Variants in SLC2A13 observed in about 807,000 individuals in gnomAD.
SLC2A13 encodes solute carrier family 2 member 13, also known as proton myo-inositol cotransporter.
A neutral mutation model predicts 64.4 loss-of-function variants in SLC2A13; 32 were observed. That is an observed-to-expected ratio of 0.50 (90% CI 0.37 to 0.67). SLC2A13 has a LOEUF of 0.67. SLC2A13 is among the 30% of genes least tolerant of loss of function. The pLI is 0.00. For missense variants in SLC2A13, 743 were observed against 829.2 expected, an observed-to-expected ratio of 0.90 and a Z score of 1.28; for synonymous variants, 338 against 327.1, an observed-to-expected ratio of 1.03 and a Z score of -0.36.
chr12:39,810,881 T>C (rs1476434313), intron 7 of SLC2A13, among the ~76,000 whole-genome samples: 1 of 152,146 alleles, frequency 6.6e-6, no homozygotes, highest in Non-Finnish European at 1.5e-5. Flanking sequence ...TGTTCATCTA[T>C]AGTTTTTCTT....
At chr12:40,082,256 A>T (rs2136285469) in intron 1 of SLC2A13, among the ~76,000 whole-genome samples, 1 of 152,322 alleles carries the variant, frequency 6.6e-6, no homozygotes, top group African/African-American at 2.4e-5. Context: ...AAAAGCCAGG[A>T]GGTTAAGAAA....
At chr12:39,765,211 A>G (rs1940303577) in intron 7 of SLC2A13, among the ~76,000 whole-genome samples, 2 of 152,080 alleles carry the variant, frequency 1.3e-5, no homozygotes, top group Admixed American at 6.6e-5. Context: ...GACAAGATTC[A>G]AATTTCAGAG....
chr12:39,942,267 G>A (rs1198845442), intron 4 of SLC2A13, among the ~76,000 whole-genome samples: 3 of 152,134 alleles, frequency 2.0e-5, no homozygotes, highest in Non-Finnish European at 4.4e-5. Flanking sequence ...GTAGTCTGAT[G>A]GGGATTGTAT....
chr12:39,888,936 T>C (rs1427417290), intron 4 of SLC2A13, among the ~76,000 whole-genome samples: 2 of 152,178 alleles, frequency 1.3e-5, no homozygotes, highest in Non-Finnish European at 2.9e-5. Flanking sequence ...TATATAATAG[T>C]AAACCATTTT....
At chr12:39,963,143 C>T (rs572992012) in intron 3 of SLC2A13, among the ~76,000 whole-genome samples, 7 of 152,012 alleles carry the variant, frequency 4.6e-5, no homozygotes, top group African/African-American at 1.7e-4. Flanking sequence ...AAAAATTAGC[C>T]GGGCATGGTG....
intron 3 of SLC2A13, among the ~76,000 whole-genome samples, chr12:40,018,684 T>C (rs1206376186): frequency 6.6e-6 from 1 of 152,196 alleles, no homozygotes; most frequent in Non-Finnish European, 1.5e-5. Context: ...TTACTGCTTT[T>C]CAAATTTAAT....
At chr12:39,974,704 T>C (rs1946730678) in intron 3 of SLC2A13, among the ~76,000 whole-genome samples, 1 of 152,206 alleles carries the variant, frequency 6.6e-6, no homozygotes. Flanking sequence ...TTTACACAAT[T>C]CTAGACAAAT....
chr12:39,997,432 T>G (rs1947249946), intron 3 of SLC2A13, among the ~76,000 whole-genome samples: 1 of 152,066 alleles, frequency 6.6e-6, no homozygotes, highest in South Asian at 2.1e-4. Context: ...CAAAAGAAGA[T>G]CTACAAATGG....
intron 1 of SLC2A13, among the ~76,000 whole-genome samples, chr12:40,060,829 T>C (rs1464540073): frequency 6.6e-6 from 1 of 152,104 alleles, no homozygotes; most frequent in East Asian, 1.9e-4. Flanking sequence ...ATCAAGAGCA[T>C]AGAAAATGAT....
chr12:39,865,365 T>C (rs1943881496), intron 5 of SLC2A13, among the ~76,000 whole-genome samples: 1 of 152,242 alleles, frequency 6.6e-6, no homozygotes, highest in Non-Finnish European at 1.5e-5. Context: ...AATGAGTTAT[T>C]TCTAAAGCAG....
chr12:39,938,751 T>C (rs185421184), intron 4 of SLC2A13, among the ~76,000 whole-genome samples: 1 of 151,798 alleles, frequency 6.6e-6, no homozygotes, highest in East Asian at 1.9e-4. Context: ...AAAGTTCACA[T>C]CCATATTGTG....
chr12:39,855,468 C>A (rs1368934774), intron 6 of SLC2A13, among the ~76,000 whole-genome samples: 1 of 152,134 alleles, frequency 6.6e-6, no homozygotes, highest in Non-Finnish European at 1.5e-5. Context: ...ATGAATTATG[C>A]CAGGTCATGC....
chr12:39,901,922 G>A (rs1428198082), intron 4 of SLC2A13, among the ~76,000 whole-genome samples: 1 of 151,940 alleles, frequency 6.6e-6, no homozygotes, highest in African/African-American at 2.4e-5. Flanking sequence ...ATTCCCAATA[G>A]CAAAGACTTG....
chr12:40,018,722 CA>C (rs1947660384), intron 3 of SLC2A13, among the ~76,000 whole-genome samples: 1 of 152,126 alleles, frequency 6.6e-6, no homozygotes, highest in Non-Finnish European at 1.5e-5. Flanking sequence ...ACAATAATTG[CA>C]TCTTCTTTGC....
Position 40,105,122 on chromosome 12 carries a change from C to A in SLC2A13, c.556+131G>T. ...CCAACAAACAGATGGGCTCTGGAGG[C>A]CAGAGAAGTGGAGGATTCTCTGACC... is the stretch of plus-strand genomic sequence containing the variant. On this transcript the variant is annotated intron_variant, in intron 1 of 9. Transcript: ENST00000280871. The surrounding 1 kb of genome is among the most constrained non-coding windows in gnomAD (Gnocchi z 4.2). 1 of 1,293,002 alleles carries A rather than the reference C, an allele frequency of 7.7e-7. No homozygotes were observed. Among genetic ancestry groups the A allele is most frequent in the Non-Finnish European group, 9.8e-7 (1 of 1,016,568 alleles). 80.1% of individuals were successfully genotyped at this position (1,293,002 alleles called of 1,614,324 possible).
chr12:39,846,819 T>G (rs1221622303), intron 6 of SLC2A13, among the ~76,000 whole-genome samples: 3 of 152,154 alleles, frequency 2.0e-5, no homozygotes, highest in Non-Finnish European at 4.4e-5. Context: ...TATCTCAGTC[T>G]TTCTGAAGGA....
At position 40,105,513 on chromosome 12, in the gene SLC2A13, G is replaced by T. The variant is rs756131221; in HGVS notation, c.296C>A (p.Thr99Asn). The T allele has an allele frequency of 3.2e-6, 5 of 1,582,360 alleles. No individual in the cohort carries two copies. The highest frequency in any genetic ancestry group is 4.3e-6 in the Non-Finnish European group (5 of 1,166,434). ...CAGCATGGCCCCTGACACCACCCCG[G>T]TGTCATAGCCAAACAGGAAGCCGCC... is the stretch of plus-strand genomic sequence containing the variant. The part of the protein sequence containing the change: ...ALGGFLFGYD[T>N]GVVSGAMLLL... The change falls in exon 1 of 10, where the codon ACC becomes AAC. Residue 99 changes from threonine (T) to asparagine (N), a missense_variant. Thr to Asn is a moderately conservative substitution (Grantham distance 65). Around this residue, in one of 2 missense-constraint regions of SLC2A13, gnomAD observed 448 missense variants for 447.4 expected, o/e 1.00. Coordinates refer to ENST00000280871, the MANE Select transcript of SLC2A13 (RefSeq NM_052885.4). This position sits in a 1 kb window ranked among gnomAD's most constrained non-coding sequence, Gnocchi z 4.2.
chr12:40,009,973 T>G (rs1947500149), intron 3 of SLC2A13, among the ~76,000 whole-genome samples: 1 of 152,252 alleles, frequency 6.6e-6, no homozygotes, highest in African/African-American at 2.4e-5. Context: ...CTTGAAATTA[T>G]TTGACTACAA....
At chr12:39,857,863 T>G (rs1250544901) in intron 6 of SLC2A13, among the ~76,000 whole-genome samples, 1 of 152,176 alleles carries the variant, frequency 6.6e-6, no homozygotes, top group Non-Finnish European at 1.5e-5. Flanking sequence ...TGATATTCCC[T>G]CTCCCTGAAA....
Sources: gnomAD v4.1 joint callset for allele counts (sites outside exome capture counted in the v4.1 genomes callset) on GRCh38, gnomAD v4.1.1 for gene constraint, gnomAD v4.1.1 regional missense constraint, Gnocchi (gnomAD v3.1) non-coding constraint, MANE v1.5 for transcripts, NCBI Gene and HGNC (gene_info 2026-07-23, HGNC 2026-07-21) for gene names.